The following COL19A1 variants were observed in gnomAD, a reference collection of about 807,000 sequenced individuals.
The protein encoded by COL19A1 is collagen alpha-1(XIX) chain.
Under a neutral mutation model 190.2 loss-of-function variants are expected in COL19A1, and 159 were observed. The ratio of observed to expected loss-of-function variants is 0.84; its 90% CI spans 0.73 to 0.95. The LOEUF (loss-of-function observed/expected upper bound fraction) is 0.95, where lower values mean the gene tolerates loss of function less well. Ranked by LOEUF, COL19A1 falls within the 40% of genes least tolerant of loss-of-function variation. The pLI, the probability that COL19A1 is intolerant of heterozygous loss-of-function variation, is 0.00. For missense variants in COL19A1, 1,418 were observed against 1,431.9 expected (o/e 0.99, Z 0.16); for synonymous variants, 509 against 458.9 (o/e 1.11, Z -1.39).
chr6:69,984,685 A>C (rs759312195), intron 11 of COL19A1, among the ~76,000 whole-genome samples: 8 of 152,134 alleles, frequency 5.3e-5, no homozygotes, highest in Non-Finnish European at 8.8e-5. Context: ...TTTTTTCACA[A>C]AAAGTTAATG....
intron 14 of COL19A1, among the ~76,000 whole-genome samples, chr6:70,036,504 C>T (rs1286663447): frequency 1.3e-5 from 2 of 152,108 alleles, no homozygotes; most frequent in African/African-American, 4.8e-5. Flanking sequence ...AGATTGTTCT[C>T]AATCAAATGG....
intron 6 of COL19A1, among the ~76,000 whole-genome samples, chr6:69,930,161 G>C (rs1329453125): frequency 2.6e-5 from 4 of 152,082 alleles, no homozygotes; most frequent in African/African-American, 9.7e-5. Flanking sequence ...TTTTTTATAA[G>C]CGTATAATGG....
intron 11 of COL19A1, among the ~76,000 whole-genome samples, chr6:70,022,560 A>G (rs138212923): frequency 1.4e-4 from 22 of 152,306 alleles, no homozygotes; most frequent in African/African-American, 4.1e-4. Flanking sequence ...AGGGTGGGAC[A>G]ATAGAAGTAT....
Position 70,101,688 on chromosome 6 carries a change from C to T in COL19A1, c.1225-481C>T, listed in dbSNP as rs181993093. Among the ~76,000 whole-genome samples, 87 of 152,194 alleles carry T rather than the reference C, an allele frequency of 5.7e-4. No homozygotes were observed. The East Asian group carries it at 0.012, about 22-fold the overall frequency. On this transcript the variant is annotated intron_variant, in intron 15 of 50. Coordinates refer to ENST00000620364, the MANE Select transcript of COL19A1 (RefSeq NM_001858.6). ...AATGCAGATTCGTGGCTCCGACCCC[C>T]GGGATTCTAAACCGTGAATTCTAGG...
At chr6:70,063,240 T>A (rs1780957157) in intron 14 of COL19A1, among the ~76,000 whole-genome samples, 1 of 152,066 alleles carries the variant, frequency 6.6e-6, no homozygotes, top group African/African-American at 2.4e-5. Flanking sequence ...AGTAAAGCAC[T>A]CCTCAGCAAA....
chr6:69,951,641 A>C (rs930000035), intron 9 of COL19A1, among the ~76,000 whole-genome samples: 5 of 151,922 alleles, frequency 3.3e-5, no homozygotes, highest in Non-Finnish European at 7.4e-5. Context: ...TATGTACAAG[A>C]ATATAAACTT....
At chr6:70,109,623 G>A (rs188127172) in intron 16 of COL19A1, among the ~76,000 whole-genome samples, 1 of 151,160 alleles carries the variant, frequency 6.6e-6, no homozygotes, top group Admixed American at 6.6e-5. Flanking sequence ...TGAAATTACT[G>A]TTCCTACTGA....
At chr6:69,920,269 T>A (rs1771606026) in intron 4 of COL19A1, among the ~76,000 whole-genome samples, 1 of 152,148 alleles carries the variant, frequency 6.6e-6, no homozygotes, top group South Asian at 2.1e-4. Context: ...TGTACTATAG[T>A]TAGTCATTTT....
chr6:70,192,799 G>A (rs1400475393), intron 48 of COL19A1, among the ~76,000 whole-genome samples: 1 of 152,214 alleles, frequency 6.6e-6, no homozygotes, highest in Non-Finnish European at 1.5e-5. Flanking sequence ...GCCCGGACAT[G>A]CTAGTCCTGG....
At chr6:70,002,952 C>T (rs1777362811) in intron 11 of COL19A1, among the ~76,000 whole-genome samples, 1 of 151,948 alleles carries the variant, frequency 6.6e-6, no homozygotes, top group African/African-American at 2.4e-5. Flanking sequence ...TTTTGCCTCT[C>T]TAGCTCTTTT....
intron 31 of COL19A1, among the ~76,000 whole-genome samples, chr6:70,153,547 A>G (rs1467542954): frequency 2.0e-5 from 3 of 152,134 alleles, no homozygotes; most frequent in Admixed American, 6.5e-5. Flanking sequence ...GTCAGTTTCA[A>G]ATGACTCTTA....
intron 2 of COL19A1, among the ~76,000 whole-genome samples, chr6:69,880,743 T>C (rs926069718): frequency 1.3e-5 from 2 of 152,118 alleles, no homozygotes; most frequent in African/African-American, 4.8e-5. Context: ...TCATACAATT[T>C]GGGGGGGAAA....
intron 9 of COL19A1, among the ~76,000 whole-genome samples, chr6:69,952,422 A>G (rs1290935221): frequency 6.6e-6 from 1 of 151,840 alleles, no homozygotes; most frequent in Admixed American, 6.6e-5. Context: ...TCTCCACCAA[A>G]TAAATATATA....
rs75514092 is a variant in COL19A1, at chr6:70,058,316, T to C, written c.1171-10107T>C. On this transcript the variant is annotated intron_variant, in intron 14 of 50. Coordinates refer to ENST00000620364, the MANE Select transcript of COL19A1 (RefSeq NM_001858.6). ...TGTTAAGTTTTAAAAGCACTATGTG[T>C]AACCTCTAATTTTTAAATTTTTGAA... is the stretch of plus-strand genomic sequence containing the variant. Among the ~76,000 whole-genome samples, 4 of 152,150 alleles carry C rather than the reference T, an allele frequency of 2.6e-5. No homozygotes were observed. The East Asian group carries it at 7.7e-4, about 29-fold the overall frequency.
At chr6:70,133,245 T>C (rs987883913) in intron 18 of COL19A1, among the ~76,000 whole-genome samples, 3 of 152,222 alleles carry the variant, frequency 2.0e-5, no homozygotes, top group African/African-American at 4.8e-5. Flanking sequence ...CTCAATGCAC[T>C]GACCAGCAAA....
intron 15 of COL19A1, among the ~76,000 whole-genome samples, chr6:70,089,160 A>C (rs1346616017): frequency 1.3e-5 from 2 of 152,150 alleles, no homozygotes; most frequent in Admixed American, 6.6e-5. Flanking sequence ...ATATTTCTTC[A>C]ATTTGACTTT....
At chr6:69,871,809 ATTTTTT>A (rs556851857) in intron 1 of COL19A1, among the ~76,000 whole-genome samples, 1 of 110,390 alleles carries the variant, frequency 9.1e-6, no homozygotes, top group Admixed American at 1.0e-4. Context: ...CAAGTCCACC[ATTTTTT>A]TTTTTTTTTT....
chr6:69,937,966 C>T, intron 8 of COL19A1, 72 bp from the exon 9 acceptor site: 1 of 1,464,742 alleles, frequency 6.8e-7, no homozygotes, highest in Admixed American at 1.8e-5. Context: ...GCCAGCTTCA[C>T]ATTTATAAAC....
intron 11 of COL19A1, among the ~76,000 whole-genome samples, chr6:70,022,755 C>G (rs1486184845): frequency 6.6e-6 from 1 of 152,066 alleles, no homozygotes; most frequent in East Asian, 1.9e-4. Flanking sequence ...ACATTTTTCT[C>G]TAGTATAAAA....
Sources: allele counts gnomAD v4.1 joint callset (sites outside exome capture counted in the v4.1 genomes callset), GRCh38; gene constraint gnomAD v4.1.1; transcripts MANE v1.5; gene names NCBI Gene and HGNC (gene_info 2026-07-23, HGNC 2026-07-21).